TLN2: variants seen among roughly 807,000 people sequenced by gnomAD.
TLN2 encodes talin 2.
TLN2 carries 118 observed loss-of-function variants against 294.7 expected under a neutral mutation model. That is an observed-to-expected ratio of 0.40 (90% CI 0.34 to 0.47). The LOEUF is 0.47. Among genes scored for constraint, TLN2 ranks in the 20% least tolerant of loss-of-function variants. The pLI is 0.84. For synonymous variants in TLN2, 1,431 were observed against 1,304.5 expected (o/e 1.10, Z -2.09); for missense variants, 3,083 against 3,282.2 (o/e 0.94, Z 1.48).
intron 1 of TLN2, among the ~76,000 whole-genome samples, chr15:62,391,249 C>T (rs1459262015): frequency 6.6e-6 from 1 of 152,266 alleles, no homozygotes; most frequent in East Asian, 1.9e-4. Context: ...AGTTCCTTCT[C>T]CGGTGCCGGA....
intron 1 of TLN2, among the ~76,000 whole-genome samples, chr15:62,500,854 G>A (rs1372595434): frequency 2.0e-5 from 3 of 152,186 alleles, no homozygotes; most frequent in Non-Finnish European, 4.4e-5. Context: ...AAGAAAGATA[G>A]TATTGTTTCA....
chr15:62,502,525 G>T (rs1050943673), intron 1 of TLN2, among the ~76,000 whole-genome samples: 1 of 152,060 alleles, frequency 6.6e-6, no homozygotes, highest in Non-Finnish European at 1.5e-5. Flanking sequence ...GTTTATTGCC[G>T]AGGCACTGGG....
At chr15:62,771,316 A>G (rs2063338147) in intron 42 of TLN2, among the ~76,000 whole-genome samples, 182 bp downstream of exon 42, 1 of 152,234 alleles carries the variant, frequency 6.6e-6, no homozygotes, top group Non-Finnish European at 1.5e-5. Flanking sequence ...AAATGAAGAA[A>G]TATACATAAA....
chr15:62,580,499 C>T (rs1269170294), intron 1 of TLN2, among the ~76,000 whole-genome samples: 2 of 150,208 alleles, frequency 1.3e-5, no homozygotes, highest in South Asian at 2.2e-4. Flanking sequence ...CAGCCTTGAC[C>T]TCCCAGGCTC....
chr15:62,721,662 T>C (rs2060156606), intron 25 of TLN2, among the ~76,000 whole-genome samples: 1 of 152,180 alleles, frequency 6.6e-6, no homozygotes, highest in Admixed American at 6.5e-5. Context: ...TTTAAAAATT[T>C]ATACAAAGAA....
At chr15:62,769,262 C>G (rs1308499142) in intron 41 of TLN2, among the ~76,000 whole-genome samples, 1 of 152,252 alleles carries the variant, frequency 6.6e-6, no homozygotes, top group Non-Finnish European at 1.5e-5. Context: ...CCCTTCAGTG[C>G]TCCGTTCCCT....
intron 54 of TLN2, chr15:62,830,949 T>C (rs2068771026): frequency 6.6e-6 from 1 of 151,664 alleles, no homozygotes; most frequent in African/African-American, 2.4e-5. Flanking sequence ...TAAAAATTCG[T>C]CAAAGAACAT....
chr15:62,686,870 G>T (rs1001834722), intron 12 of TLN2, 74 bp downstream of exon 12: 4 of 1,562,342 alleles, frequency 2.6e-6, no homozygotes, highest in Non-Finnish European at 3.5e-6. Flanking sequence ...AGAAAGACCA[G>T]ATTCTTGCCC....
chr15:62,416,126 C>G (rs1245577320), intron 1 of TLN2, among the ~76,000 whole-genome samples: 1 of 152,114 alleles, frequency 6.6e-6, no homozygotes, highest in African/African-American at 2.4e-5. Flanking sequence ...TGGGGAGACC[C>G]TGTCTCTACA....
At chr15:62,477,910 G>T (rs995189868) in intron 1 of TLN2, among the ~76,000 whole-genome samples, 3 of 120,916 alleles carry the variant, frequency 2.5e-5, no homozygotes, top group Non-Finnish European at 5.2e-5. Flanking sequence ...GGAGGGGGGG[G>T]TGCAGCGGGG....
chr15:62,667,100 G>A (rs759742011), intron 9 of TLN2, among the ~76,000 whole-genome samples: 2 of 152,090 alleles, frequency 1.3e-5, no homozygotes, highest in Non-Finnish European at 2.9e-5. Flanking sequence ...CGAGTAGCTG[G>A]GACTACAGGC....
intron 1 of TLN2, among the ~76,000 whole-genome samples, chr15:62,567,402 A>G (rs1367943244): frequency 1.3e-5 from 2 of 152,252 alleles, no homozygotes; most frequent in African/African-American, 4.8e-5. Context: ...AAAAGATTGC[A>G]CTGACCGAAA....
chr15:62,441,509 C>T (rs2140305472), intron 1 of TLN2, among the ~76,000 whole-genome samples: 1 of 152,366 alleles, frequency 6.6e-6, no homozygotes, highest in South Asian at 2.1e-4. Context: ...CTCTCTTTCA[C>T]AGTCACTCAA....
chr15:62,390,668 C>T lies in TLN2; in HGVS notation c.-255C>T, dbSNP rs2031996299. ...CCCGGGCAGGCGCTCTGCAATGAGA[C>T]AGTAAATGCATCCCCCGGTAAGGCG... On this transcript the variant is annotated 5_prime_UTR_variant, in exon 1 of 59. An upstream open reading frame in the 5' UTR gains an earlier in-frame stop. Transcript: ENST00000636159. 6.6e-6 allele frequency: 1 copy of T among 152,110 alleles called. No homozygotes were observed. Among genetic ancestry groups the T allele is most frequent in the Non-Finnish European group, 1.5e-5 (1 of 68,004 alleles). The allele number at this position is 152,110 out of a possible 1,614,324, so 9.4% of individuals were successfully genotyped here.
chr15:62,682,890 A>G (rs2056960694), intron 11 of TLN2: 1 of 152,214 alleles, frequency 6.6e-6, no homozygotes, highest in African/African-American at 2.4e-5. Flanking sequence ...TACCTGGAGA[A>G]CAGACCCTCT....
At chr15:62,605,004 C>T (rs912281271) in intron 2 of TLN2, among the ~76,000 whole-genome samples, 49 of 152,164 alleles carry the variant, frequency 3.2e-4, no homozygotes, top group South Asian at 8.3e-4. Flanking sequence ...ACTACATTTG[C>T]AGGCTAACTG....
chr15:62,693,189 G>T (rs1353538348), intron 13 of TLN2, among the ~76,000 whole-genome samples: 1 of 152,070 alleles, frequency 6.6e-6, no homozygotes, highest in Non-Finnish European at 1.5e-5. Context: ...AAAGTTAGCC[G>T]GGCGTGGTGG....
intron 1 of TLN2, among the ~76,000 whole-genome samples, chr15:62,454,451 G>A (rs905250604): frequency 6.6e-6 from 1 of 152,146 alleles, no homozygotes; most frequent in East Asian, 1.9e-4. Context: ...CCTGAGAGCC[G>A]TCTCCTGCAG....
intron 33 of TLN2, among the ~76,000 whole-genome samples, chr15:62,748,756 G>C (rs1352887855): frequency 1.3e-5 from 2 of 152,160 alleles, no homozygotes; most frequent in Non-Finnish European, 2.9e-5. Context: ...TTGGGTGTAG[G>C]CTGAAGATCA....
Sources: gnomAD v4.1 joint callset for allele counts (sites outside exome capture counted in the v4.1 genomes callset) on GRCh38, gnomAD v4.1.1 for gene constraint, MANE v1.5 for transcripts, NCBI Gene and HGNC (gene_info 2026-07-23, HGNC 2026-07-21) for gene names.